CELSR2: variants seen among roughly 807,000 people sequenced by gnomAD.
CELSR2 encodes the protein EGF-like protein 2.
Under a neutral mutation model 251.6 loss-of-function variants are expected in CELSR2, and 81 were observed. That is an observed-to-expected ratio of 0.32 (90% CI 0.27 to 0.39). CELSR2 has a LOEUF of 0.39. Among genes scored for constraint, CELSR2 ranks in the 10% least tolerant of loss-of-function variants. The pLI is 1.00. For synonymous variants in CELSR2, 1,721 were observed against 1,670.5 expected, an observed-to-expected ratio of 1.03 and a Z score of -0.74; for missense variants, 3,365 against 3,947.7, an observed-to-expected ratio of 0.85 and a Z score of 3.96.
At position 109,261,104 on chromosome 1, in the gene CELSR2, G is replaced by A; in HGVS notation, c.4021G>A (p.Gly1341Ser). 6.2e-7 allele frequency: 1 copy of A among 1,614,082 alleles called. No individual in the cohort carries two copies. The highest frequency in any genetic ancestry group is 8.5e-7 in the Non-Finnish European group (1 of 1,180,000). The change falls in exon 3 of 34, where the codon GGC becomes AGC. Residue 1341 changes from glycine (G) to serine (S), a missense_variant. This residue lies in a region of CELSR2 where 2,093 missense variants were observed against 2,382.8 expected (regional missense o/e 0.88). Coordinates refer to ENST00000271332, the MANE Select transcript of CELSR2 (RefSeq NM_001408.3). This position sits in a 1 kb window ranked among gnomAD's most constrained non-coding sequence, Gnocchi z 4.8. The part of the protein sequence containing the change: ...RCTPGVCKNG[G>S]TCVNLLVGGF... ...CACCCCGGGTGTCTGCAAGAATGGG[G>A]GCACCTGTGTCAACCTGCTGGTGGG...
In CELSR2 at chr1:109,262,705, AC is replaced by A. The variant is rs934362971; in HGVS notation, c.4545-99del. On this transcript the variant is annotated intron_variant, in intron 6 of 33. Transcript: ENST00000271332. ...CACTGCTCTGCAGGGCCTCTTGGAC[AC>A]CTGCCTACGCCGTTCGTGTCTCTGG... 303 of 1,542,172 alleles carry A rather than the reference AC, an allele frequency of 2.0e-4. 1 individual carries two copies. The Middle Eastern group carries it at 2.9e-3, about 15-fold the overall frequency.
In CELSR2 at chr1:109,275,140, C is replaced by G. The variant is rs1302460984; in HGVS notation, c.*1091C>G. On this transcript the variant is annotated 3_prime_UTR_variant, in exon 34 of 34. Transcript: ENST00000271332. ...CTTCTTCAAAGGACCAGGTCCTGTT[C>G]CTCTTTCTCCCCGACTCCACCCCAG... 1 of 152,456 alleles carries G rather than the reference C, an allele frequency of 6.6e-6. No homozygotes were observed. The allele number at this position is 152,456 out of a possible 1,614,324, so 9.4% of individuals were successfully genotyped here.
At position 109,251,107 on chromosome 1, in the gene CELSR2, A is replaced by G; in HGVS notation, c.1028A>G (p.Asp343Gly). 6.2e-7 allele frequency: 1 copy of G among 1,613,100 alleles called. No individual in the cohort carries two copies. The highest frequency in any genetic ancestry group is 8.5e-7 in the Non-Finnish European group (1 of 1,179,810). Residue 343 changes from aspartate to glycine, a missense_variant, in exon 1 of 34, where the codon GAC (aspartate) becomes GGC (glycine). This residue lies in a region of CELSR2 where 704 missense variants were observed against 784.1 expected (regional missense o/e 0.90). Transcript: ENST00000271332. The surrounding 1 kb of genome is among the most constrained non-coding windows in gnomAD (Gnocchi z 4.9). Reference protein sequence around the residue: ...GGSPSEVFEIDPRSGVIRTRG... With the variant: ...GGSPSEVFEIGPRSGVIRTRG... The stretch of plus-strand genomic sequence containing the variant: ...AGCCCCTCTGAAGTCTTTGAGATCG[A>G]CCCTCGCTCTGGGGTGATCCGAACC...
intron 2 of CELSR2, among the ~76,000 whole-genome samples, chr1:109,260,484 C>T (rs969893631): frequency 6.6e-6 from 1 of 152,160 alleles, no homozygotes; most frequent in Admixed American, 6.5e-5. Flanking sequence ...TCATACTCTT[C>T]CATAACCCAG....
At chr1:109,273,973 C>G in intron 33 of CELSR2, 49 bp from the exon 34 acceptor site, 2 of 1,607,772 alleles carry the variant, frequency 1.2e-6, no homozygotes, top group Non-Finnish European at 1.7e-6. Context: ...TCTGTTTCAA[C>G]TAACCCTCTG....
chr1:109,264,043 TC>T, intron 9 of CELSR2, 34 bp from the exon 10 acceptor site: 1 of 1,541,392 alleles, frequency 6.5e-7, no homozygotes, highest in South Asian at 1.2e-5. Context: ...ATTAAGGCCG[TC>T]TGCTGACCCT....
Position 109,269,052 on chromosome 1 carries a change from T to C in CELSR2, c.6631+44T>C. ...TTGAGTTGGGAGCTGGACCCCAGTG[T>C]CTGTGCAGACTCCACAGAGAGCAGG... On this transcript the variant is annotated intron_variant, in intron 19 of 33. Transcript: ENST00000271332. This position sits in a 1 kb window ranked among gnomAD's most constrained non-coding sequence, Gnocchi z 6.4. The C allele has an allele frequency of 6.2e-7, 1 of 1,600,250 alleles. No individual in the cohort carries two copies. The highest frequency in any genetic ancestry group is 8.5e-7 in the Non-Finnish European group (1 of 1,169,978).
chr1:109,269,382 G>A lies in CELSR2; in HGVS notation c.6813-42G>A, dbSNP rs895184619. 6.2e-7 allele frequency: 1 copy of A among 1,610,576 alleles called. No individual in the cohort carries two copies. Among genetic ancestry groups the A allele is most frequent in the African/African-American group, 1.3e-5 (1 of 74,970 alleles). ...GGGTCGGGGGCGTCTCCCCAGTCAT[G>A]TGACTGCCGTGGTGACTGTGCACCT... On this transcript the variant is annotated intron_variant, in intron 20 of 33. Coordinates refer to ENST00000271332, the MANE Select transcript of CELSR2 (RefSeq NM_001408.3). This position sits in a 1 kb window ranked among gnomAD's most constrained non-coding sequence, Gnocchi z 6.4.
In CELSR2 at chr1:109,249,974, G is replaced by T. The variant is rs977027139; in HGVS notation, c.-106G>T. On this transcript the variant is annotated 5_prime_UTR_variant, in exon 1 of 34. Coordinates refer to ENST00000271332, the MANE Select transcript of CELSR2 (RefSeq NM_001408.3). ...CCCGCGGGGCGCACGGGAGGCCCCC[G>T]GGGACTGGCGCCCTGGCCCGGGCAT... 2.0e-4 allele frequency: 216 copies of T among 1,092,856 alleles called. 2 individuals carry two copies. In the African/African-American group the frequency reaches 3.3e-3, roughly 17 times the overall value. The allele number at this position is 1,092,856 out of a possible 1,614,324, so 67.7% of individuals were successfully genotyped here.
Position 109,268,880 on chromosome 1 carries a change from T to C in CELSR2, c.6503T>C (p.Val2168Ala). The part of the protein sequence containing the change: ...SPFTIVTPNI[V>A]ISVVRLDKGN... Reference sequence around the variant, plus strand: ...GATCTGTGACCATCCCCTTCCTTAGTCATCTCCGTAGTGCGCTTGGACAAA... The same window carrying C: ...GATCTGTGACCATCCCCTTCCTTAGCCATCTCCGTAGTGCGCTTGGACAAA... Residue 2168 changes from valine to alanine, a missense_variant and splice_region_variant, in exon 19 of 34, where the codon GTC becomes GCC. Val to Ala is a moderately conservative substitution (Grantham distance 64). Transcript: ENST00000271332. The C allele has an allele frequency of 6.2e-7, 1 of 1,601,396 alleles. No individual in the cohort carries two copies. Among genetic ancestry groups the C allele is most frequent in the East Asian group, 2.2e-5 (1 of 44,468 alleles).
chr1:109,264,773 G>A lies in CELSR2; in HGVS notation c.5465-95G>A, dbSNP rs1283769973. ...ACAACAAAGCCATAGCCAGCTGATA[G>A]GATGCTATGTGGAAAGAAACAGATG... On this transcript the variant is annotated intron_variant, in intron 11 of 33. Coordinates refer to ENST00000271332, the MANE Select transcript of CELSR2 (RefSeq NM_001408.3). 14 of 1,598,794 alleles carry A rather than the reference G, an allele frequency of 8.8e-6. No homozygotes were observed. In the African/African-American group the frequency reaches 1.9e-4, roughly 21 times the overall value.
intron 15 of CELSR2, among the ~76,000 whole-genome samples, chr1:109,267,045 T>C (rs567887380): frequency 6.6e-6 from 1 of 152,048 alleles, no homozygotes; most frequent in African/African-American, 2.4e-5. Context: ...TTAACAAAAA[T>C]GCTGAAAAAC....
In CELSR2 at chr1:109,271,713, C is replaced by T; in HGVS notation, c.7917C>T (p.Thr2639=). 1 of 1,613,832 alleles carries T rather than the reference C, an allele frequency of 6.2e-7. No individual in the cohort carries two copies. Among genetic ancestry groups the T allele is most frequent in the African/African-American group, 1.3e-5 (1 of 75,052 alleles). Residue 2639 remains threonine, a synonymous_variant, in exon 28 of 34, where the codon ACC becomes ACT. Coordinates refer to ENST00000271332, the MANE Select transcript of CELSR2 (RefSeq NM_001408.3). ...ACCCTGCTCTGACCACCAAGTCCAC[C>T]CTGACCTCGGTGAGGGAGCCAGGGG... is the stretch of plus-strand genomic sequence containing the variant. The part of the protein sequence containing the change: ...SPDPALTTKS[T]LTSSYNCPSP...
Position 109,251,223 on chromosome 1 carries a change from A to G in CELSR2, c.1144A>G (p.Thr382Ala), listed in dbSNP as rs193224402. The G allele has an allele frequency of 1.9e-6, 3 of 1,613,808 alleles. No individual in the cohort carries two copies. Among genetic ancestry groups the G allele is most frequent in the East Asian group, 2.2e-5 (1 of 44,860 alleles). The change falls in exon 1 of 34, where the codon ACA becomes GCA. Residue 382 changes from threonine to alanine, a missense_variant. Around this residue, in one of 5 missense-constraint regions of CELSR2, gnomAD observed 704 missense variants for 784.1 expected, o/e 0.90. Transcript: ENST00000271332. The surrounding 1 kb of genome is among the most constrained non-coding windows in gnomAD (Gnocchi z 4.9). ...QGRDPGPRST[T>A]AAVFLSVEDD... ...TCGGGACCCGGGTCCTCGGAGTACCACAGCCGCTGTTTTCCTTTCTGTGGA... is the reference window on the plus strand; with the variant it reads ...TCGGGACCCGGGTCCTCGGAGTACCGCAGCCGCTGTTTTCCTTTCTGTGGA...
rs1206455183 is a variant in CELSR2, at chr1:109,267,535, T to A, written c.6014-13T>A. The stretch of plus-strand genomic sequence containing the variant: ...TCTCCCTGAGGCCGGCCCTTTTGGC[T>A]TCCTTCCCCCAGGGACTGCTGTGCG... On this transcript the variant is annotated splice_polypyrimidine_tract_variant and intron_variant, in intron 15 of 33. Transcript: ENST00000271332. 1 of 1,612,072 alleles carries A rather than the reference T, an allele frequency of 6.2e-7. No individual in the cohort carries two copies. The highest frequency in any genetic ancestry group is 8.5e-7 in the Non-Finnish European group (1 of 1,178,958).
At chr1:109,254,715 G>A (rs955268884) in intron 1 of CELSR2, among the ~76,000 whole-genome samples, 2 of 152,174 alleles carry the variant, frequency 1.3e-5, no homozygotes, top group African/African-American at 2.4e-5. Context: ...TCAGGGCGTG[G>A]CCTCACTCAG....
At position 109,264,311 on chromosome 1, in the gene CELSR2, C is replaced by T. The variant is rs113593332; in HGVS notation, c.5235C>T (p.Gly1745=). The change falls in exon 10 of 34, where the codon GGC becomes GGT. Residue 1745 remains glycine, a synonymous_variant. Coordinates refer to ENST00000271332, the MANE Select transcript of CELSR2 (RefSeq NM_001408.3). Reference sequence around the variant, plus strand: ...TGCACCTGAGCAACATAACAGTGGGCGGAATACCTGGGCCAGCCGGCGGTG... The same window carrying T: ...TGCACCTGAGCAACATAACAGTGGGTGGAATACCTGGGCCAGCCGGCGGTG... The part of the protein sequence containing the change: ...HGLHLSNITV[G]GIPGPAGGVA... 10,024 of 1,613,428 alleles carry T rather than the reference C, an allele frequency of 6.2e-3. 294 individuals are homozygous for T. In the African/African-American group the frequency reaches 0.085, roughly 14 times the overall value.
chr1:109,257,688 C>G (rs1222644408), intron 1 of CELSR2, among the ~76,000 whole-genome samples: 1 of 152,158 alleles, frequency 6.6e-6, no homozygotes. Context: ...TGGAGAGCTG[C>G]CCAGGCCCTT....
intron 16 of CELSR2, 24 bp downstream of exon 16, chr1:109,267,666 T>A: frequency 6.2e-7 from 1 of 1,613,142 alleles, no homozygotes. Flanking sequence ...CTCATCTCCA[T>A]CTTTTCCCTG....
Sources: gnomAD v4.1 joint callset for allele counts (sites outside exome capture counted in the v4.1 genomes callset) on GRCh38, gnomAD v4.1.1 for gene constraint, gnomAD v4.1.1 regional missense constraint, Gnocchi (gnomAD v3.1) non-coding constraint, MANE v1.5 for transcripts, NCBI Gene and HGNC (gene_info 2026-07-23, HGNC 2026-07-21) for gene names.